BSDC1: variants seen among roughly 807,000 people sequenced by gnomAD.
The protein encoded by BSDC1 is BSD domain-containing protein 1.
Under a neutral mutation model 56.0 loss-of-function variants are expected in BSDC1, and 29 were observed. The observed-to-expected ratio is 0.52, with a 90% CI of 0.39 to 0.71. BSDC1 has a LOEUF of 0.71. Ranked by LOEUF, BSDC1 falls within the 30% of genes least tolerant of loss-of-function variation. The probability of loss-of-function intolerance (pLI) is 0.00; values close to 1 mark genes in which losing one functional copy is unlikely to be tolerated. For synonymous variants in BSDC1, 210 were observed against 215.3 expected (o/e 0.98, Z 0.21); for missense variants, 477 against 548.5 (o/e 0.87, Z 1.30).
chr1:32,376,792 A>AT (rs759355853), intron 8 of BSDC1, 51 bp from the exon 9 acceptor site: 1 of 1,329,672 alleles, frequency 7.5e-7, no homozygotes, highest in Non-Finnish European at 9.7e-7. Context: ...CTGGCCAGCC[A>AT]TAAGACAACC....
At chr1:32,377,746 A>C (rs1570128182) in intron 8 of BSDC1, among the ~76,000 whole-genome samples, 1 of 152,216 alleles carries the variant, frequency 6.6e-6, no homozygotes, top group East Asian at 1.9e-4. Flanking sequence ...TGGCAGGGGA[A>C]TCTACACCAA....
intron 2 of BSDC1, chr1:32,393,623 T>C (rs989796062): frequency 6.2e-6 from 1 of 161,788 alleles, no homozygotes; most frequent in African/African-American, 2.4e-5. Context: ...ACTGTGAGCT[T>C]TGTAAGGCCC....
chr1:32,380,016 G>T (rs988432864), intron 5 of BSDC1, among the ~76,000 whole-genome samples: 4 of 152,186 alleles, frequency 2.6e-5, no homozygotes, highest in Admixed American at 6.5e-5. Context: ...GGGCTTCAAA[G>T]GGTCAAAGAA....
Position 32,368,524 on chromosome 1 carries a change from A to G in BSDC1, c.1183T>C (p.Trp395Arg), listed in dbSNP as rs765365303. Residue 395 changes from tryptophan to arginine, a missense_variant, in exon 10 of 11, where the codon TGG becomes CGG. Coordinates refer to ENST00000455895, the MANE Select transcript of BSDC1 (RefSeq NM_018045.8). ...KGSSTDISEDWEKDFDLDMTE... is the reference protein window; with the variant it reads ...KGSSTDISEDREKDFDLDMTE... ...ATGTCCAAGTCAAAGTCTTTCTCCC[A>G]GTCCTCACTGATGTCCGTGCTTGAG... 13 of 1,614,122 alleles carry G rather than the reference A, an allele frequency of 8.1e-6. No individual in the cohort carries two copies. Among genetic ancestry groups the G allele is most frequent in the Non-Finnish European group, 1.1e-5 (13 of 1,180,022 alleles).
chr1:32,368,406 C>A, intron 10 of BSDC1, 41 bp downstream of exon 10: 1 of 1,614,164 alleles, frequency 6.2e-7, no homozygotes, highest in Non-Finnish European at 8.5e-7. Flanking sequence ...ACACCCAGGA[C>A]CATTAGGCTC....
intron 9 of BSDC1, among the ~76,000 whole-genome samples, chr1:32,372,519 A>T (rs1490145438): frequency 1.3e-5 from 2 of 152,212 alleles, no homozygotes; most frequent in African/African-American, 4.8e-5. Flanking sequence ...TTGGGTGGGT[A>T]TTAACAGTCC....
In BSDC1 at chr1:32,366,661, A is replaced by C; in HGVS notation, c.1261-7T>G. 6.8e-7 allele frequency: 1 copy of C among 1,464,610 alleles called. No homozygotes were observed. Among genetic ancestry groups the C allele is most frequent in the African/African-American group, 1.4e-5 (1 of 70,264 alleles). 90.7% of individuals were successfully genotyped at this position (1,464,610 alleles called of 1,614,324 possible). On this transcript the variant is annotated splice_polypyrimidine_tract_variant and splice_region_variant and intron_variant, in intron 10 of 10. Coordinates refer to ENST00000455895, the MANE Select transcript of BSDC1 (RefSeq NM_018045.8). ...CCCACTCTACATCTTCCAGCTGCAAATGGGAGGGGGTAATGGAAATCACAA... is the reference window on the plus strand; with the variant it reads ...CCCACTCTACATCTTCCAGCTGCAACTGGGAGGGGGTAATGGAAATCACAA...
rs748607896 is a variant in BSDC1 at position 32,376,565 on chromosome 1, G to A, written c.853C>T (p.Leu285Phe). ...GCCGGGTTGGCGATCTGTGTCACGA[G>A]GGAGATGCTCTCACTGCTCTCTGAT... The part of the protein sequence containing the change: ...TPSESSESIS[L>F]VTQIANPATA... The change falls in exon 9 of 11, where the codon CTC becomes TTC. Residue 285 changes from leucine to phenylalanine, a missense_variant. By Grantham distance (22) the Leu-to-Phe change is conservative. Coordinates refer to ENST00000455895, the MANE Select transcript of BSDC1 (RefSeq NM_018045.8). 6.5e-7 allele frequency: 1 copy of A among 1,537,170 alleles called. No homozygotes were observed. Among genetic ancestry groups the A allele is most frequent in the South Asian group, 1.3e-5 (1 of 79,982 alleles).
At chr1:32,367,881 A>G in intron 10 of BSDC1, 1 of 1,008,804 alleles carries the variant, frequency 9.9e-7, no homozygotes, top group Non-Finnish European at 1.2e-6. Flanking sequence ...CATGTTTTAG[A>G]TGAGGAACCA....
intron 9 of BSDC1, 69 bp downstream of exon 9, chr1:32,376,193 G>C: frequency 7.2e-7 from 1 of 1,380,842 alleles, no homozygotes; most frequent in Non-Finnish European, 9.4e-7. Flanking sequence ...AAGGGACAAG[G>C]AGACAAATCT....
chr1:32,393,540 C>T (rs2148149395), intron 2 of BSDC1: 1 of 153,948 alleles, frequency 6.5e-6, no homozygotes, highest in East Asian at 1.9e-4. Flanking sequence ...ACTTTCCTTT[C>T]ACAGAACTTA....
chr1:32,376,427 G>A lies in BSDC1; in HGVS notation c.991C>T (p.Pro331Ser). The A allele has an allele frequency of 1.2e-6, 2 of 1,613,648 alleles. No individual in the cohort carries two copies. Among genetic ancestry groups the A allele is most frequent in the South Asian group, 1.1e-5 (1 of 91,044 alleles). The change falls in exon 9 of 11, where the codon CCT becomes TCT. Residue 331 changes from proline (P) to serine (S), a missense_variant. Transcript: ENST00000455895. ...VDVGETGPSPPIHSKPLTPAG... is the reference protein window; with the variant it reads ...VDVGETGPSPSIHSKPLTPAG... ...GGCGTTAGGGGCTTGGAGTGAATAG[G>A]GGGTGAGGGTCCAGTCTCACCCACA...
intron 5 of BSDC1, among the ~76,000 whole-genome samples, chr1:32,379,129 C>A (rs1642399843): frequency 6.6e-6 from 1 of 151,998 alleles, no homozygotes; most frequent in Non-Finnish European, 1.5e-5. Flanking sequence ...GGTCTCATGA[C>A]CCCAGCTGCC....
intron 2 of BSDC1, among the ~76,000 whole-genome samples, chr1:32,392,623 T>C (rs1011491459): frequency 6.6e-6 from 1 of 152,172 alleles, no homozygotes; most frequent in Non-Finnish European, 1.5e-5. Context: ...ACAGGAAATA[T>C]GCTACTATCG....
chr1:32,368,590 A>C, intron 9 of BSDC1, 40 bp from the exon 10 acceptor site: 1 of 1,612,840 alleles, frequency 6.2e-7, no homozygotes, highest in Admixed American at 1.7e-5. Flanking sequence ...AGGAGGAGGC[A>C]GGGAAGGGGC....
chr1:32,376,608 G>A lies in BSDC1; in HGVS notation c.810C>T (p.Pro270=). 1 of 1,476,778 alleles carries A rather than the reference G, an allele frequency of 6.8e-7. No homozygotes were observed. The highest frequency in any genetic ancestry group is 9.1e-7 in the Non-Finnish European group (1 of 1,102,632). The allele number at this position is 1,476,778 out of a possible 1,614,324, so 91.5% of individuals were successfully genotyped here. Residue 270 remains proline (P), a synonymous_variant, in exon 9 of 11, where the codon CCC becomes CCT. Coordinates refer to ENST00000455895, the MANE Select transcript of BSDC1 (RefSeq NM_018045.8). ...TCTCTGATGGAGTCACCTCTGCTGG[G>A]GGCTCAACTGAAGTCACCAGATTCT... The part of the protein sequence containing the change: ...CEENLVTSVE[P]PAEVTPSESS...
chr1:32,383,389 T>C (rs1434069106), intron 4 of BSDC1, among the ~76,000 whole-genome samples: 1 of 151,016 alleles, frequency 6.6e-6, no homozygotes, highest in Non-Finnish European at 1.5e-5. Flanking sequence ...GGGGCTGCAA[T>C]GAGCCATGAT....
chr1:32,369,430 G>T, intron 9 of BSDC1: 1 of 501,232 alleles, frequency 2.0e-6, no homozygotes, highest in Non-Finnish European at 3.3e-6. Flanking sequence ...GATCACTTGA[G>T]CCCAGGAGTT....
At position 32,376,591 on chromosome 1, in the gene BSDC1, G is replaced by T; in HGVS notation, c.827C>A (p.Pro276Gln). The change falls in exon 9 of 11, where the codon CCA becomes CAA. Residue 276 changes from proline to glutamine, a missense_variant. Pro to Gln is a moderately conservative substitution (Grantham distance 76). Coordinates refer to ENST00000455895, the MANE Select transcript of BSDC1 (RefSeq NM_018045.8). Reference protein sequence around the residue: ...TSVEPPAEVTPSESSESISLV... With the variant: ...TSVEPPAEVTQSESSESISLV... ...GGAGATGCTCTCACTGCTCTCTGAT[G>T]GAGTCACCTCTGCTGGGGGCTCAAC... The T allele has an allele frequency of 6.7e-7, 1 of 1,499,190 alleles. No homozygotes were observed. Among genetic ancestry groups the T allele is most frequent in the Non-Finnish European group, 9.0e-7 (1 of 1,112,006 alleles). The allele number at this position is 1,499,190 out of a possible 1,614,324, so 92.9% of individuals were successfully genotyped here.
Sources: allele counts gnomAD v4.1 joint callset (sites outside exome capture counted in the v4.1 genomes callset), GRCh38; gene constraint gnomAD v4.1.1; transcripts MANE v1.5; gene names NCBI Gene and HGNC (gene_info 2026-07-23, HGNC 2026-07-21).